NRDC: variants seen among roughly 807,000 people sequenced by gnomAD.
NRDC encodes the protein nardilysin.
Under a neutral mutation model 147.1 loss-of-function variants are expected in NRDC, and 54 were observed. The observed-to-expected ratio is 0.37, with a 90% CI of 0.29 to 0.46. The LOEUF (loss-of-function observed/expected upper bound fraction) is 0.46. NRDC is among the 20% of genes least tolerant of loss of function. NRDC has a pLI of 1.00. For missense variants in NRDC, 1,082 were observed against 1,370.6 expected (o/e 0.79, Z 3.33); for synonymous variants, 440 against 482.1 (o/e 0.91, Z 1.14).
chr1:51,819,581 A>G (rs897562011), intron 9 of NRDC, among the ~76,000 whole-genome samples: 1 of 152,206 alleles, frequency 6.6e-6, no homozygotes, highest in Non-Finnish European at 1.5e-5. Context: ...CATGAAATAG[A>G]CTGAAGTAGC....
In NRDC at chr1:51,812,137, A is replaced by G. The variant is rs568862607; in HGVS notation, c.1675-39T>C. On this transcript the variant is annotated intron_variant, in intron 14 of 30. Transcript: ENST00000352171. ...AATTATTTCACACCAGAACTTCTCCATTATTATATTTGATTTACCACAACA... is the reference window on the plus strand; with the variant it reads ...AATTATTTCACACCAGAACTTCTCCGTTATTATATTTGATTTACCACAACA... 1.6e-5 allele frequency: 22 copies of G among 1,355,666 alleles called. No individual in the cohort carries two copies. The East Asian group carries it at 3.2e-4, about 20-fold the overall frequency. The allele number at this position is 1,355,666 out of a possible 1,614,324, so 84.0% of individuals were successfully genotyped here.
rs558347511 is a variant in NRDC, at chr1:51,856,917, G to A, written c.342-16403C>T. Among the ~76,000 whole-genome samples the A allele has an allele frequency of 7.8e-4, 118 of 151,996 alleles. 1 individual carries two copies. In the South Asian group the frequency reaches 0.015, roughly 20 times the overall value. ...TTGTAACAAAAAGACTTTAACAAGG[G>A]CTATGGGAGTTACAAGCCAGGAACA... On this transcript the variant is annotated intron_variant, in intron 1 of 30. Transcript: ENST00000352171.
At chr1:51,869,226 C>T (rs1227823038) in intron 1 of NRDC, among the ~76,000 whole-genome samples, 5 of 152,310 alleles carry the variant, frequency 3.3e-5, no homozygotes, top group Admixed American at 2.6e-4. Flanking sequence ...GGATTACAGG[C>T]ATGAACCAGC....
chr1:51,792,117 C>T lies in NRDC; in HGVS notation c.2824-19G>A, dbSNP rs1483367191. ...TGTGCATCTGTAATTCAACATACTG[C>T]CCATCAGCCCAACTCCTCCCAGCAG... On this transcript the variant is annotated intron_variant, in intron 25 of 30. Transcript: ENST00000352171. 1 of 1,613,492 alleles carries T rather than the reference C, an allele frequency of 6.2e-7. No individual in the cohort carries two copies.
chr1:51,836,278 C>T, intron 2 of NRDC, 66 bp from the exon 3 acceptor site: 1 of 1,586,546 alleles, frequency 6.3e-7, no homozygotes, highest in Non-Finnish European at 8.7e-7. Context: ...CGCATCTTAT[C>T]TTAAGGATTC....
intron 1 of NRDC, among the ~76,000 whole-genome samples, chr1:51,842,191 AT>A (rs1681300336): frequency 6.6e-6 from 1 of 151,930 alleles, no homozygotes; most frequent in South Asian, 2.1e-4. Context: ...TAAATAAATA[AT>A]AAAAAATAAT....
rs200207240 is a variant in NRDC at position 51,825,292 on chromosome 1, A to G, written c.1031T>C (p.Phe344Ser). 3.8e-5 allele frequency: 61 copies of G among 1,596,958 alleles called. No homozygotes were observed. Among genetic ancestry groups the G allele is most frequent in the Non-Finnish European group, 4.9e-5 (58 of 1,172,952 alleles). The part of the protein sequence containing the change: ...ARPGHPMGKF[F>S]WGNAETLKHE... ...TGATGTATTTAGTATCTTACCCCAA[A>G]AAAATTTTCCCATAGGATGTCCAGG... The change falls in exon 6 of 31, where the codon TTT (phenylalanine) becomes TCT (serine). Residue 344 changes from phenylalanine (F) to serine (S), a missense_variant. Physicochemically the swap from Phe to Ser is radical, Grantham distance 155. This residue lies in a region of NRDC where 635 missense variants were observed against 923.8 expected (regional missense o/e 0.69). Coordinates refer to ENST00000352171, the MANE Select transcript of NRDC (RefSeq NM_001101662.2).
intron 1 of NRDC, among the ~76,000 whole-genome samples, chr1:51,840,845 C>A (rs1681234081): frequency 1.3e-5 from 2 of 152,112 alleles, no homozygotes; most frequent in Non-Finnish European, 2.9e-5. Flanking sequence ...CTCAGCCTCC[C>A]CTATTTCTCA....
intron 2 of NRDC, 194 bp downstream of exon 2, chr1:51,840,032 T>C: frequency 2.1e-6 from 1 of 487,550 alleles, no homozygotes; most frequent in Admixed American, 3.8e-5. Context: ...ATTCCATTAG[T>C]TTATATAATG....
At chr1:51,836,970 A>G (rs1571884932) in intron 2 of NRDC, among the ~76,000 whole-genome samples, 1 of 145,200 alleles carries the variant, frequency 6.9e-6, no homozygotes, top group East Asian at 2.0e-4. Context: ...TTTTTAAGAC[A>G]GGGGTCTTGC....
rs1363246043 is a variant in NRDC, at chr1:51,816,399, A to C, written c.1362-10T>G. The C allele has an allele frequency of 3.2e-6, 5 of 1,545,372 alleles. No individual in the cohort carries two copies. Among genetic ancestry groups the C allele is most frequent in the Non-Finnish European group, 3.5e-6 (4 of 1,141,906 alleles). On this transcript the variant is annotated splice_polypyrimidine_tract_variant and intron_variant, in intron 10 of 30. Transcript: ENST00000352171. ...ATGAAGTGGCTTCACCCTTTTAAAAAAATTTAATGGTCAGAAGAAAAAAAC... is the reference window on the plus strand; with the variant it reads ...ATGAAGTGGCTTCACCCTTTTAAAACAATTTAATGGTCAGAAGAAAAAAAC...
intron 2 of NRDC, chr1:51,837,315 A>T: frequency 2.0e-6 from 1 of 491,696 alleles, no homozygotes; most frequent in Non-Finnish European, 3.4e-6. Context: ...CATAAAGTCT[A>T]GCCATGTGTC....
At position 51,789,436 on chromosome 1, in the gene NRDC, G is replaced by GA. The variant is rs781738382; in HGVS notation, c.3259-4dup. On this transcript the variant is annotated splice_polypyrimidine_tract_variant and splice_region_variant and intron_variant, in intron 30 of 30. Transcript: ENST00000352171. ...TCATACTTCCCATATCCAACAACCT[G>GA]AAAGAGGACAAAGACAAAAGTGAAA... The GA allele has an allele frequency of 1.2e-6, 2 of 1,613,908 alleles. No individual in the cohort carries two copies. Among genetic ancestry groups the GA allele is most frequent in the Non-Finnish European group, 8.5e-7 (1 of 1,179,846 alleles).
intron 4 of NRDC, among the ~76,000 whole-genome samples, chr1:51,828,430 T>G (rs575385294): frequency 4.5e-4 from 69 of 152,292 alleles, no homozygotes; most frequent in Non-Finnish European, 7.8e-4. Flanking sequence ...CTTACTTTTT[T>G]AGTTCAATGC....
At chr1:51,864,950 A>T (rs1253389484) in intron 1 of NRDC, among the ~76,000 whole-genome samples, 4 of 119,506 alleles carry the variant, frequency 3.3e-5, no homozygotes, top group Non-Finnish European at 5.4e-5. Flanking sequence ...ACCTGGTCTT[A>T]AAAAAAAAAA....
At chr1:51,801,940 AC>A (rs1206476129) in intron 20 of NRDC, among the ~76,000 whole-genome samples, 27 of 152,070 alleles carry the variant, frequency 1.8e-4, no homozygotes, top group Non-Finnish European at 3.1e-4. Context: ...GGCGCCTGCC[AC>A]CACGCCTGGC....
chr1:51,878,337 C>A lies in NRDC; in HGVS notation c.279G>T (p.Gly93=). Residue 93 remains glycine, a synonymous_variant, in exon 1 of 31, where the codon GGG becomes GGT. Coordinates refer to ENST00000352171, the MANE Select transcript of NRDC (RefSeq NM_001101662.2). ...ADESEEEGRR[G]SLSNAGDPEI... is the part of the protein sequence containing the mutation. ...CAGGGTCCCCAGCATTACTGAGAGA[C>A]CCCCTCCGTCCCTCTTCCTCAGATT... 1.2e-6 allele frequency: 2 copies of A among 1,614,150 alleles called. No individual in the cohort carries two copies. The highest frequency in any genetic ancestry group is 3.3e-4 in the Middle Eastern group (2 of 6,062).
intron 22 of NRDC, 47 bp downstream of exon 22, chr1:51,798,202 G>T (rs201845587): frequency 2.5e-6 from 4 of 1,589,652 alleles, no homozygotes; most frequent in Non-Finnish European, 3.4e-6. Context: ...CAATTCCAGA[G>T]TTCACAACTG....
At chr1:51,846,452 T>C (rs1336175531) in intron 1 of NRDC, among the ~76,000 whole-genome samples, 1 of 152,214 alleles carries the variant, frequency 6.6e-6, no homozygotes, top group South Asian at 2.1e-4. Flanking sequence ...ACTCTTTTTG[T>C]GTCTGGAATT....
Sources: gnomAD v4.1 joint callset for allele counts (sites outside exome capture counted in the v4.1 genomes callset) on GRCh38, gnomAD v4.1.1 for gene constraint, gnomAD v4.1.1 regional missense constraint, MANE v1.5 for transcripts, NCBI Gene and HGNC (gene_info 2026-07-23, HGNC 2026-07-21) for gene names.